VWA7: variants seen among roughly 807,000 people sequenced by gnomAD.
VWA7 encodes the protein von Willebrand factor A domain containing 7, also known as von Willebrand factor A domain-containing protein 7.
In VWA7, 66 loss-of-function variants were observed where a neutral mutation model predicts 83.1. That is an observed-to-expected ratio of 0.79 (90% confidence interval 0.65 to 0.98). VWA7 has a LOEUF of 0.98. Among genes scored for constraint, VWA7 ranks in the 50% least tolerant of loss-of-function variants. VWA7 has a pLI of 0.00. For missense variants in VWA7, 1,080 were observed against 1,160.2 expected (o/e 0.93, Z 1.00); for synonymous variants, 424 against 488.5 (o/e 0.87, Z 1.74).
chr6:31,767,304 GT>G, intron 12 of VWA7, 54 bp from the exon 13 acceptor site: 2 of 1,612,732 alleles, frequency 1.2e-6, no homozygotes, highest in Non-Finnish European at 1.7e-6. Flanking sequence ...GTGACTGATC[GT>G]GTTCTCTGAG....
At position 31,775,230 on chromosome 6, in the gene VWA7, A is replaced by T; in HGVS notation, c.610+103T>A. ...GGGGACCTCAGTCCTTGTGGAGATT[A>T]AGTAACATCATACCCTCTGGGACTT... On this transcript the variant is annotated intron_variant, in intron 4 of 16. Coordinates refer to ENST00000375688, the MANE Select transcript of VWA7 (RefSeq NM_025258.3). This position sits in a 1 kb window ranked among gnomAD's most constrained non-coding sequence, Gnocchi z 5.9. The T allele has an allele frequency of 9.9e-7, 1 of 1,007,924 alleles. No homozygotes were observed. The highest frequency in any genetic ancestry group is 1.4e-6 in the Non-Finnish European group (1 of 701,704). The allele number at this position is 1,007,924 out of a possible 1,614,324, so 62.4% of individuals were successfully genotyped here. A position where few individuals can be genotyped will look rare whatever the true frequency, so the allele number is the denominator to read the frequency against.
Position 31,773,333 on chromosome 6 carries a change from G to T in VWA7, c.826C>A (p.Leu276Met). 6.2e-7 allele frequency: 1 copy of T among 1,608,816 alleles called. No homozygotes were observed. Among genetic ancestry groups the T allele is most frequent in the Non-Finnish European group, 8.5e-7 (1 of 1,177,846 alleles). Residue 276 changes from leucine (L) to methionine (M), a missense_variant, in exon 6 of 17, where the codon CTG (leucine) becomes ATG (methionine). By Grantham distance (15) the Leu-to-Met change is conservative. Coordinates refer to ENST00000375688, the MANE Select transcript of VWA7 (RefSeq NM_025258.3). This position sits in a 1 kb window ranked among gnomAD's most constrained non-coding sequence, Gnocchi z 5.3. ...TSPGFSPHHM[L>M]HLQAAKLALL... ...GCCAGTTTTGCAGCCTGGAGGTGCA[G>T]CATGTGGTGAGGGGAGAAGCCTGGG...
At position 31,766,596 on chromosome 6, in the gene VWA7, G is replaced by GGT; in HGVS notation, c.2050_2051insAC (p.Ala684AspfsTer20). 1.9e-6 allele frequency: 3 copies of GGT among 1,613,036 alleles called. No individual in the cohort carries two copies. The highest frequency in any genetic ancestry group is 2.5e-6 in the Non-Finnish European group (3 of 1,180,018). On this transcript the variant is annotated frameshift_variant, in exon 14 of 17. Transcript: ENST00000375688. LOFTEE classifies it high-confidence loss of function. The surrounding 1 kb of genome is among the most constrained non-coding windows in gnomAD (Gnocchi z 4.9). ...CAGCAGCGTGGGCGACAGCGAGGCT[G>GGT]CGAGGAGACCTCGCTCCGGAGGTCC...
Position 31,773,483 on chromosome 6 carries a change from T to C in VWA7, c.722-46A>G. 6.7e-7 allele frequency: 1 copy of C among 1,488,622 alleles called. No individual in the cohort carries two copies. 92.2% of individuals were successfully genotyped at this position (1,488,622 alleles called of 1,614,324 possible). On this transcript the variant is annotated intron_variant, in intron 5 of 16. Coordinates refer to ENST00000375688, the MANE Select transcript of VWA7 (RefSeq NM_025258.3). This position sits in a 1 kb window ranked among gnomAD's most constrained non-coding sequence, Gnocchi z 5.3. Reference sequence around the variant, plus strand: ...TGGAGAGTGGAGGTCAAAAACCCACTGCCTCCTAAGAAAATGAGGCCCTTT... The same window carrying C: ...TGGAGAGTGGAGGTCAAAAACCCACCGCCTCCTAAGAAAATGAGGCCCTTT...
At position 31,767,407 on chromosome 6, in the gene VWA7, C is replaced by T. The variant is rs1192293386; in HGVS notation, c.1744G>A (p.Glu582Lys). 1 of 1,613,174 alleles carries T rather than the reference C, an allele frequency of 6.2e-7. No individual in the cohort carries two copies. Among genetic ancestry groups the T allele is most frequent in the Admixed American group, 1.7e-5 (1 of 60,000 alleles). ...GTGTCCTCAGCTGTGACCTGGATCT[C>T]CCAGGTTCCTGTCTGTGGAGGGTCA... The part of the protein sequence containing the change: ...MDDPPQTGTW[E>K]IQVTAEDTPG... Residue 582 changes from glutamate (E) to lysine (K), a missense_variant, in exon 12 of 17, where the codon GAG (glutamate) becomes AAG (lysine). Coordinates refer to ENST00000375688, the MANE Select transcript of VWA7 (RefSeq NM_025258.3).
At chr6:31,774,154 C>CAA (rs10581485) in intron 5 of VWA7, among the ~76,000 whole-genome samples, 1,985 of 61,732 alleles carry the variant, frequency 0.032, 68 homozygotes, top group African/African-American at 0.11. Flanking sequence ...AACTCCATCT[C>CAA]AAAAAAAAAA....
At chr6:31,774,321 C>T (rs563088756) in intron 5 of VWA7, among the ~76,000 whole-genome samples, 195 bp downstream of exon 5, 2 of 152,140 alleles carry the variant, frequency 1.3e-5, no homozygotes, top group East Asian at 1.9e-4. Context: ...ATCCTATCAG[C>T]GGAGGAAGAA....
rs762859086 is a variant in VWA7, at chr6:31,769,770, G to A, written c.1222C>T (p.Pro408Ser). The part of the protein sequence containing the change: ...ALQLALLHTP[P>S]LSDIFVFTDA... Reference sequence around the variant, plus strand: ...GTGAAGACAAAGATATCTGAGAGTGGAGGTGTGTGCAGCAGGGCCAGCTGG... The same window carrying A: ...GTGAAGACAAAGATATCTGAGAGTGAAGGTGTGTGCAGCAGGGCCAGCTGG... The change falls in exon 9 of 17, where the codon CCA (proline) becomes TCA (serine). Residue 408 changes from proline (P) to serine (S), a missense_variant. By Grantham distance (74) the Pro-to-Ser change is moderately conservative. Transcript: ENST00000375688. This position sits in a 1 kb window ranked among gnomAD's most constrained non-coding sequence, Gnocchi z 4.5. 6.2e-7 allele frequency: 1 copy of A among 1,613,140 alleles called. No individual in the cohort carries two copies.
At chr6:31,772,902 C>G in intron 7 of VWA7, 52 bp downstream of exon 7, 2 of 1,575,596 alleles carry the variant, frequency 1.3e-6, no homozygotes, top group South Asian at 2.3e-5. Context: ...CCCAGTCTAT[C>G]CCTTACCTTG....
At chr6:31,774,489 C>T (rs1812501175) in intron 5 of VWA7, 27 bp downstream of exon 5, 1 of 1,602,704 alleles carries the variant, frequency 6.2e-7, no homozygotes. Context: ...TCTCCCCTTA[C>T]TTCTGGGGAA....
chr6:31,772,550 C>A (rs1171720740), intron 7 of VWA7, among the ~76,000 whole-genome samples: 1 of 146,618 alleles, frequency 6.8e-6, no homozygotes, highest in Non-Finnish European at 1.5e-5. Context: ...TTATCCCTTA[C>A]CTTTTTATCT....
rs554017169 is a variant in VWA7 at position 31,772,056 on chromosome 6, G to T, written c.1087+898C>A. Among the ~76,000 whole-genome samples the T allele has an allele frequency of 4.0e-5, 6 of 150,112 alleles. No individual in the cohort carries two copies. In the South Asian group the frequency reaches 1.0e-3, roughly 26 times the overall value. On this transcript the variant is annotated intron_variant, in intron 7 of 16. Coordinates refer to ENST00000375688, the MANE Select transcript of VWA7 (RefSeq NM_025258.3). The stretch of plus-strand genomic sequence containing the variant: ...AGCATGAAAGCCTAAGAAAGCAGAG[G>T]CCACGTGCCAAAGCATGAATCATGC...
At chr6:31,768,912 G>A in intron 10 of VWA7, 106 bp downstream of exon 10, 8 of 1,250,078 alleles carry the variant, frequency 6.4e-6, no homozygotes, top group Admixed American at 5.9e-5. Flanking sequence ...CCCCGTGACT[G>A]GAAGAACAAC....
rs915243929 is a variant in VWA7 at position 31,776,887 on chromosome 6, CAA to C, written c.-15-95_-15-94del. 7.1e-6 allele frequency: 5 copies of C among 702,644 alleles called. No homozygotes were observed. The African/African-American group carries it at 9.3e-5, about 13-fold the overall frequency. The allele number at this position is 702,644 out of a possible 1,614,324, so 43.5% of individuals were successfully genotyped here. A position where few individuals can be genotyped will look rare whatever the true frequency, so the allele number is the denominator to read the frequency against. ...GTCTCCATGGGAACCTGCTTTACCT[CAA>C]AAGTCGTGTCTGCTCCAGCCTGGCT... On this transcript the variant is annotated intron_variant, in intron 1 of 16. Transcript: ENST00000375688. This position sits in a 1 kb window ranked among gnomAD's most constrained non-coding sequence, Gnocchi z 6.2.
chr6:31,776,829 C>T lies in VWA7; in HGVS notation c.-15-35G>A. The T allele has an allele frequency of 8.2e-7, 1 of 1,224,340 alleles. No individual in the cohort carries two copies. Among genetic ancestry groups the T allele is most frequent in the Non-Finnish European group, 1.1e-6 (1 of 925,648 alleles). 75.8% of individuals were successfully genotyped at this position (1,224,340 alleles called of 1,614,324 possible). ...AGAAGGCTCTCAAGGGAGGAGGAAGCAGCCGCGATTCCAGGGCAGGCCGGC... is the reference window on the plus strand; with the variant it reads ...AGAAGGCTCTCAAGGGAGGAGGAAGTAGCCGCGATTCCAGGGCAGGCCGGC... On this transcript the variant is annotated intron_variant, in intron 1 of 16. Coordinates refer to ENST00000375688, the MANE Select transcript of VWA7 (RefSeq NM_025258.3). This position sits in a 1 kb window ranked among gnomAD's most constrained non-coding sequence, Gnocchi z 6.2.
At position 31,766,902 on chromosome 6, in the gene VWA7, G is replaced by C. The variant is rs534794631; in HGVS notation, c.1883-138C>G. The stretch of plus-strand genomic sequence containing the variant: ...GGTTACCTTCGAGGGGTATTGATGG[G>C]GAGCATCAGGAGGGAGTTCTGGGGT... On this transcript the variant is annotated intron_variant, in intron 13 of 16. Transcript: ENST00000375688. The surrounding 1 kb of genome is among the most constrained non-coding windows in gnomAD (Gnocchi z 4.9). 30 of 908,514 alleles carry C rather than the reference G, an allele frequency of 3.3e-5. 1 individual carries two copies. The South Asian group carries it at 4.9e-4, about 15-fold the overall frequency. 56.3% of individuals were successfully genotyped at this position (908,514 alleles called of 1,614,324 possible).
chr6:31,772,126 C>A (rs978866264), intron 7 of VWA7, among the ~76,000 whole-genome samples: 2 of 149,834 alleles, frequency 1.3e-5, no homozygotes, highest in Non-Finnish European at 3.0e-5. Context: ...GAGTGGGAGG[C>A]AAGTCTGCTA....
Position 31,776,714 on chromosome 6 carries a change from C to T in VWA7, c.66G>A (p.Leu22=). ...GPSALLLLQL[L]LPPTSAFFPN... ...GGAAGAAGGCAGATGTGGGGGGCAG[C>T]AACAGCTGCAGCAGAAGCAACGCTG... is the stretch of plus-strand genomic sequence containing the variant. The change falls in exon 2 of 17, where the codon TTG becomes TTA. Residue 22 remains leucine, a synonymous_variant. Coordinates refer to ENST00000375688, the MANE Select transcript of VWA7 (RefSeq NM_025258.3). The surrounding 1 kb of genome is among the most constrained non-coding windows in gnomAD (Gnocchi z 6.2). 1 of 1,488,986 alleles carries T rather than the reference C, an allele frequency of 6.7e-7. No homozygotes were observed. Among genetic ancestry groups the T allele is most frequent in the Non-Finnish European group, 9.0e-7 (1 of 1,113,926 alleles). The allele number at this position is 1,488,986 out of a possible 1,614,324, so 92.2% of individuals were successfully genotyped here.
rs913642696 is a variant in VWA7 at position 31,766,867 on chromosome 6, T to G, written c.1883-103A>C. 1.5e-6 allele frequency: 2 copies of G among 1,329,180 alleles called. No homozygotes were observed. The highest frequency in any genetic ancestry group is 1.5e-5 in the African/African-American group (1 of 67,756). The allele number at this position is 1,329,180 out of a possible 1,614,324, so 82.3% of individuals were successfully genotyped here. ...AGGGGTTCCCTCTGGGGAGTATGGA[T>G]GGGAAAATAGGTTACCTTCGAGGGG... On this transcript the variant is annotated intron_variant, in intron 13 of 16. Coordinates refer to ENST00000375688, the MANE Select transcript of VWA7 (RefSeq NM_025258.3). This position sits in a 1 kb window ranked among gnomAD's most constrained non-coding sequence, Gnocchi z 4.9.
Sources: allele counts gnomAD v4.1 joint callset (sites outside exome capture counted in the v4.1 genomes callset), GRCh38; gene constraint gnomAD v4.1.1; non-coding constraint Gnocchi (gnomAD v3.1); transcripts MANE v1.5; gene names NCBI Gene and HGNC (gene_info 2026-07-23, HGNC 2026-07-21).